Variants in VPS4B observed in about 807,000 individuals in gnomAD.
VPS4B encodes vacuolar protein sorting-associated protein 4B.
A neutral mutation model predicts 56.1 loss-of-function variants in VPS4B; 23 were observed. That is an observed-to-expected ratio of 0.41 (90% CI 0.30 to 0.58). The LOEUF is 0.58. Among genes scored for constraint, VPS4B ranks in the 20% least tolerant of loss-of-function variants. VPS4B has a pLI of 0.29. For missense variants in VPS4B, 372 were observed against 531.9 expected (o/e 0.70, Z 2.96); for synonymous variants, 177 against 186.0 (o/e 0.95, Z 0.39).
intron 1 of VPS4B, among the ~76,000 whole-genome samples, chr18:63,412,835 T>G: frequency 6.6e-6 from 1 of 151,910 alleles, no homozygotes; most frequent in East Asian, 1.9e-4. Context: ...CTAAAACTTT[T>G]AGAAAAAACA....
chr18:63,421,731 G>A (rs1916306496), intron 1 of VPS4B, among the ~76,000 whole-genome samples: 1 of 152,162 alleles, frequency 6.6e-6, no homozygotes, highest in South Asian at 2.1e-4. Context: ...ACAGGAGTGT[G>A]CACATAAATT....
chr18:63,390,514 C>T lies in VPS4B; in HGVS notation c.*461G>A, dbSNP rs1275699389. 6.5e-6 allele frequency: 1 copy of T among 152,804 alleles called. No homozygotes were observed. Among genetic ancestry groups the T allele is most frequent in the African/African-American group, 2.4e-5 (1 of 41,404 alleles). 9.5% of individuals were successfully genotyped at this position (152,804 alleles called of 1,614,324 possible). On this transcript the variant is annotated 3_prime_UTR_variant, in exon 11 of 11. Transcript: ENST00000238497. ...CTCTTTGCTGTTTTATTGCCCATCC[C>T]TGAGTAAAGATTCTATCATTTGTAA...
At chr18:63,397,371 G>A (rs1003058646) in intron 8 of VPS4B, 118 bp from the exon 9 acceptor site, 7 of 911,880 alleles carry the variant, frequency 7.7e-6, no homozygotes, top group Non-Finnish European at 1.1e-5. Context: ...ATATATTTAG[G>A]TTAAAGGGAT....
At chr18:63,420,761 C>T (rs8095966) in intron 1 of VPS4B, among the ~76,000 whole-genome samples, 64,759 of 151,860 alleles carry the variant, frequency 0.43, 15,251 homozygotes, top group East Asian at 0.84. Context: ...GATAGTCATC[C>T]GGGCACGGTG....
rs775900762 is a variant in VPS4B at position 63,397,203 on chromosome 18, G to A, written c.923C>T (p.Ala308Val). The A allele has an allele frequency of 1.2e-6, 2 of 1,613,932 alleles. No individual in the cohort carries two copies. Among genetic ancestry groups the A allele is most frequent in the Non-Finnish European group, 1.7e-6 (2 of 1,179,972 alleles). ...GGTCCCTAGGTGCAGTTTAAACATT[G>A]CTGCTCGGGCATGGGGTTCCGGCAA... ...IPLPEPHARAAMFKLHLGTTQ... is the reference protein window; with the variant it reads ...IPLPEPHARAVMFKLHLGTTQ... Residue 308 changes from alanine (A) to valine (V), a missense_variant, in exon 9 of 11, where the codon GCA (alanine) becomes GTA (valine). By Grantham distance (64) the Ala-to-Val change is moderately conservative. Transcript: ENST00000238497.
chr18:63,415,524 G>C (rs1599367076), intron 1 of VPS4B: 1 of 291,416 alleles, frequency 3.4e-6, no homozygotes, highest in South Asian at 4.1e-5. Flanking sequence ...CCTGGGTCAG[G>C]TTCCTTTTCA....
rs1311816388 is a variant in VPS4B, at chr18:63,407,278, ACT to A, written c.364+152_364+153del. 7 of 656,518 alleles carry A rather than the reference ACT, an allele frequency of 1.1e-5. No homozygotes were observed. The East Asian group carries it at 1.7e-4, about 16-fold the overall frequency. The allele number at this position is 656,518 out of a possible 1,614,324, so 40.7% of individuals were successfully genotyped here. ...CCTAGAGGGCAAACCCTAAGAAAAC[ACT>A]CTAAACAAAGCCAGCACATGACTAT... On this transcript the variant is annotated intron_variant, in intron 4 of 10. Coordinates refer to ENST00000238497, the MANE Select transcript of VPS4B (RefSeq NM_004869.4).
intron 10 of VPS4B, among the ~76,000 whole-genome samples, chr18:63,391,575 T>C (rs1381104876): frequency 1.3e-5 from 2 of 152,214 alleles, no homozygotes; most frequent in African/African-American, 2.4e-5. Flanking sequence ...TGTTATTCCT[T>C]TGTGTAGAAA....
intron 2 of VPS4B, among the ~76,000 whole-genome samples, 180 bp from the exon 3 acceptor site, chr18:63,410,626 G>C (rs1432861668): frequency 6.6e-6 from 1 of 152,156 alleles, no homozygotes; most frequent in Non-Finnish European, 1.5e-5. Context: ...CTCCAGCAGG[G>C]TTGGAGACCA....
At chr18:63,410,163 C>G (rs1305679211) in intron 3 of VPS4B, 127 bp downstream of exon 3, 10 of 1,279,618 alleles carry the variant, frequency 7.8e-6, no homozygotes, top group African/African-American at 1.5e-5. Context: ...AAGCTTATTC[C>G]AAAAACAGGC....
At chr18:63,393,575 TG>T in intron 9 of VPS4B, 26 bp from the exon 10 acceptor site, 1 of 1,539,562 alleles carries the variant, frequency 6.5e-7, no homozygotes, top group Non-Finnish European at 8.7e-7. Flanking sequence ...ATCTGAAATA[TG>T]TATTTGAAAC....
intron 9 of VPS4B, 33 bp from the exon 10 acceptor site, chr18:63,393,582 G>A: frequency 1.3e-6 from 2 of 1,521,954 alleles, no homozygotes; most frequent in Non-Finnish European, 1.8e-6. Context: ...ATATGTATTT[G>A]AAACAAAATT....
intron 6 of VPS4B, 57 bp downstream of exon 6, chr18:63,400,490 A>C: frequency 6.6e-7 from 1 of 1,509,862 alleles, no homozygotes; most frequent in Non-Finnish European, 9.0e-7. Flanking sequence ...TCTATTAAGG[A>C]GTGATACAGT....
intron 1 of VPS4B, among the ~76,000 whole-genome samples, chr18:63,421,037 C>CA (rs36083080): frequency 0.02 from 1,037 of 51,136 alleles, 15 homozygotes; most frequent in African/African-American, 0.045. Context: ...GACTCCGTCT[C>CA]AAAAAAAAAA....
intron 9 of VPS4B, 65 bp from the exon 10 acceptor site, chr18:63,393,614 T>G (rs1915604956): frequency 3.0e-6 from 4 of 1,351,242 alleles, no homozygotes; most frequent in Non-Finnish European, 3.9e-6. Flanking sequence ...CTTAATCCAT[T>G]ACCAGGAAAG....
intron 1 of VPS4B, chr18:63,415,871 C>A (rs536896745): frequency 4.1e-5 from 8 of 196,308 alleles, no homozygotes; most frequent in Admixed American, 1.1e-4. Flanking sequence ...ACAGCCTAGG[C>A]AAACAGTGTC....
chr18:63,410,838 G>T (rs1916025082), intron 2 of VPS4B, among the ~76,000 whole-genome samples: 1 of 152,184 alleles, frequency 6.6e-6, no homozygotes, highest in Non-Finnish European at 1.5e-5. Flanking sequence ...TCATTTCTAT[G>T]AATGTCTACA....
chr18:63,403,919 T>G, intron 4 of VPS4B, 93 bp from the exon 5 acceptor site: 4 of 1,420,404 alleles, frequency 2.8e-6, no homozygotes, highest in Non-Finnish European at 3.8e-6. Context: ...AAACGCATTA[T>G]AAAATTGGGA....
chr18:63,410,159 A>T, intron 3 of VPS4B, 131 bp downstream of exon 3: 1 of 1,209,674 alleles, frequency 8.3e-7, no homozygotes, highest in Non-Finnish European at 1.2e-6. Context: ...GATAAAGCTT[A>T]TTCCAAAAAC....
Sources: allele counts gnomAD v4.1 joint callset (sites outside exome capture counted in the v4.1 genomes callset), GRCh38; gene constraint gnomAD v4.1.1; transcripts MANE v1.5; gene names NCBI Gene and HGNC (gene_info 2026-07-23, HGNC 2026-07-21).